PLPPR1: variants seen among roughly 807,000 people sequenced by gnomAD.
PLPPR1 encodes the protein phospholipid phosphatase-related protein type 1.
Under a neutral mutation model 33.1 loss-of-function variants are expected in PLPPR1, and 10 were observed. The observed-to-expected ratio is 0.30, with a 90% confidence interval of 0.19 to 0.51. The LOEUF (loss-of-function observed/expected upper bound fraction) is 0.51. PLPPR1 is among the 20% of genes least tolerant of loss of function. The probability of loss-of-function intolerance (pLI) is 0.97; values close to 1 mark genes in which losing one functional copy is unlikely to be tolerated. For missense variants in PLPPR1, 304 were observed against 408.1 expected, an observed-to-expected ratio of 0.74 and a Z score of 2.20; for synonymous variants, 151 against 151.0, an observed-to-expected ratio of 1.00 and a Z score of 0.00.
intron 2 of PLPPR1, among the ~76,000 whole-genome samples, chr9:101,189,745 C>T (rs997663952): frequency 6.6e-6 from 1 of 151,962 alleles, no homozygotes; most frequent in Non-Finnish European, 1.5e-5. Context: ...TAGCCCATCT[C>T]GTTGCTGCTT....
intron 4 of PLPPR1, among the ~76,000 whole-genome samples, chr9:101,300,415 C>T (rs540335512): frequency 2.0e-5 from 3 of 152,270 alleles, no homozygotes; most frequent in African/African-American, 4.8e-5. Flanking sequence ...AAGGGATCCT[C>T]CAGCCTCAGC....
Position 101,220,930 on chromosome 9 carries a change from C to T in PLPPR1, c.63+35373C>T, listed in dbSNP as rs574284208. Reference sequence around the variant, plus strand: ...ACTGGTTTTTCAAAGTATGTTAGAACGATAATCCCAGAAGATGAAGAAATG... The same window carrying T: ...ACTGGTTTTTCAAAGTATGTTAGAATGATAATCCCAGAAGATGAAGAAATG... On this transcript the variant is annotated intron_variant, in intron 2 of 7. Transcript: ENST00000374874. Among the ~76,000 whole-genome samples the T allele has an allele frequency of 9.2e-5, 14 of 152,224 alleles. No homozygotes were observed. The South Asian group carries it at 1.2e-3, about 14-fold the overall frequency.
chr9:101,092,634 C>A (rs1441751629), intron 1 of PLPPR1, among the ~76,000 whole-genome samples: 1 of 152,120 alleles, frequency 6.6e-6, no homozygotes, highest in East Asian at 1.9e-4. Context: ...ACCCTGCGTC[C>A]TGTCTCTGAA....
At chr9:101,077,920 C>T (rs957350553) in intron 1 of PLPPR1, among the ~76,000 whole-genome samples, 2 of 151,434 alleles carry the variant, frequency 1.3e-5, no homozygotes, top group Non-Finnish European at 2.9e-5. Flanking sequence ...GCAGAAAGAC[C>T]TTTCACTTTT....
intron 1 of PLPPR1, among the ~76,000 whole-genome samples, chr9:101,050,193 C>T (rs528760647): frequency 8.3e-5 from 12 of 145,382 alleles, no homozygotes; most frequent in Non-Finnish European, 1.3e-4. Flanking sequence ...GACCGGACAA[C>T]TATAACAGGA....
At chr9:101,072,929 A>G (rs553755417) in intron 1 of PLPPR1, among the ~76,000 whole-genome samples, 21 of 152,332 alleles carry the variant, frequency 1.4e-4, no homozygotes, top group African/African-American at 4.8e-4. Context: ...GTTGCTATTC[A>G]TGAAAACTTT....
chr9:101,045,124 A>G (rs1830129099), intron 1 of PLPPR1, among the ~76,000 whole-genome samples: 1 of 152,202 alleles, frequency 6.6e-6, no homozygotes, highest in African/African-American at 2.4e-5. Flanking sequence ...GTCTTGCCAG[A>G]CATAGCTGTG....
chr9:101,184,303 A>G (rs910774099), intron 1 of PLPPR1, among the ~76,000 whole-genome samples: 1 of 151,752 alleles, frequency 6.6e-6, no homozygotes, highest in African/African-American at 2.4e-5. Flanking sequence ...CTTTTAATTG[A>G]CAAGTGAGGA....
intron 2 of PLPPR1, among the ~76,000 whole-genome samples, chr9:101,230,698 C>T (rs1036876938): frequency 6.6e-6 from 1 of 152,050 alleles, no homozygotes; most frequent in African/African-American, 2.4e-5. Context: ...ATCTCTCTCA[C>T]ACCTCTCTCA....
chr9:101,078,104 GAA>G (rs1491345506), intron 1 of PLPPR1, among the ~76,000 whole-genome samples: 2 of 376 alleles, frequency 5.3e-3, no homozygotes, highest in Non-Finnish European at 6.8e-3. Flanking sequence ...AGGAGAAGGA[GAA>G]GAAGAAGAAG....
At chr9:101,099,786 C>G (rs1830872665) in intron 1 of PLPPR1, among the ~76,000 whole-genome samples, 1 of 152,022 alleles carries the variant, frequency 6.6e-6, no homozygotes. Flanking sequence ...GAACAACTCC[C>G]CCATGGATAC....
intron 1 of PLPPR1, among the ~76,000 whole-genome samples, chr9:101,114,523 A>G (rs1186762048): frequency 1.3e-5 from 2 of 152,202 alleles, no homozygotes; most frequent in African/African-American, 4.8e-5. Flanking sequence ...GGAGAGAGGT[A>G]GGAGTATCAG....
intron 2 of PLPPR1, among the ~76,000 whole-genome samples, chr9:101,263,675 GGA>G (rs921607821): frequency 6.6e-6 from 1 of 152,168 alleles, no homozygotes; most frequent in Non-Finnish European, 1.5e-5. Context: ...AAATTTGAGT[GGA>G]GAGAGATATT....
rs553324474 is a variant in PLPPR1 at position 101,316,616 on chromosome 9, C to CAAAAAAAAAAAAAAAAAAAAAA, written c.814-737_814-736insAAAAAAAAAAAAAAAAAAAAAA. ...AGGGAAAAGGAGGGTTCTTCTTGGGCAAAAAAAAAAAAGCAGGGAAGATGG... is the reference window on the plus strand; with the variant it reads ...AGGGAAAAGGAGGGTTCTTCTTGGGCAAAAAAAAAAAAAAAAAAAAAAAAAAAAAAAAAAGCAGGGAAGATGG... On this transcript the variant is annotated intron_variant, in intron 6 of 7. Transcript: ENST00000374874. 1.3e-4 allele frequency among the ~76,000 whole-genome samples: 11 copies of CAAAAAAAAAAAAAAAAAAAAAA among 82,538 alleles called. 2 individuals are homozygous for CAAAAAAAAAAAAAAAAAAAAAA. The highest frequency in any genetic ancestry group is 5.8e-4 in the African/African-American group (10 of 17,224). 54.1% of individuals were successfully genotyped at this position (82,538 alleles called of 152,430 possible).
chr9:101,299,706 T>G (rs897636508), intron 4 of PLPPR1, among the ~76,000 whole-genome samples: 37 of 152,332 alleles, frequency 2.4e-4, no homozygotes, highest in Non-Finnish European at 1.2e-4. Flanking sequence ...CTGTAGCACT[T>G]TGCAGGTTAG....
At chr9:101,306,173 G>A (rs920701875) in intron 4 of PLPPR1, among the ~76,000 whole-genome samples, 1 of 152,152 alleles carries the variant, frequency 6.6e-6, no homozygotes, top group Non-Finnish European at 1.5e-5. Flanking sequence ...GTTACCCTAT[G>A]CTGTGGTGCC....
Position 101,193,955 on chromosome 9 carries a change from T to C in PLPPR1, c.63+8398T>C, listed in dbSNP as rs1002782697. 2.4e-4 allele frequency among the ~76,000 whole-genome samples: 37 copies of C among 152,336 alleles called. 1 individual carries two copies. Among genetic ancestry groups the C allele is most frequent in the Middle Eastern group, 3.4e-3 (1 of 294 alleles). ...TAGAGTAAGGAAGTCCTTTCTGATA[T>C]GTTCAGACATACAGAAATGTTGAAA... On this transcript the variant is annotated intron_variant, in intron 2 of 7. Coordinates refer to ENST00000374874, the MANE Select transcript of PLPPR1 (RefSeq NM_207299.2).
At chr9:101,061,701 C>G (rs997600868) in intron 1 of PLPPR1, among the ~76,000 whole-genome samples, 1 of 150,164 alleles carries the variant, frequency 6.7e-6, no homozygotes, top group African/African-American at 2.4e-5. Flanking sequence ...ATTTTCTTCT[C>G]AAGATCAAGG....
At chr9:101,162,945 G>C (rs965834084) in intron 1 of PLPPR1, among the ~76,000 whole-genome samples, 3 of 152,034 alleles carry the variant, frequency 2.0e-5, no homozygotes, top group African/African-American at 7.2e-5. Context: ...TTCTCATAAA[G>C]CCCCACCGGC....
Sources: gnomAD v4.1 joint callset for allele counts (sites outside exome capture counted in the v4.1 genomes callset) on GRCh38, gnomAD v4.1.1 for gene constraint, MANE v1.5 for transcripts, NCBI Gene and HGNC (gene_info 2026-07-23, HGNC 2026-07-21) for gene names.